ANXA4: variants seen among roughly 807,000 people sequenced by gnomAD.
The protein encoded by ANXA4 is annexin A4.
In ANXA4, 39 loss-of-function variants were observed where a neutral mutation model predicts 49.8. That is an observed-to-expected ratio of 0.78 (90% CI 0.61 to 1.02). ANXA4 has a LOEUF of 1.02. Ranked by LOEUF, ANXA4 falls within the 50% of genes least tolerant of loss-of-function variation. The pLI, the probability that ANXA4 is intolerant of heterozygous loss-of-function variation, is 0.00. For missense variants in ANXA4, 360 were observed against 410.1 expected (o/e 0.88, Z 1.05); for synonymous variants, 134 against 152.5 (o/e 0.88, Z 0.89).
At chr2:69,779,133 A>G (rs1212916658) in intron 1 of ANXA4, among the ~76,000 whole-genome samples, 1 of 146,204 alleles carries the variant, frequency 6.8e-6, no homozygotes, top group African/African-American at 2.6e-5. Flanking sequence ...AAAAAAAAAA[A>G]GGAAAGAGAA....
At chr2:69,743,036 G>A (rs1040597903) in intron 1 of ANXA4, among the ~76,000 whole-genome samples, 4 of 151,844 alleles carry the variant, frequency 2.6e-5, no homozygotes, top group African/African-American at 9.7e-5. Context: ...GTTTTGAGAC[G>A]AGGTCTCACT....
intron 2 of ANXA4, among the ~76,000 whole-genome samples, chr2:69,709,199 C>A (rs887583348): frequency 4.0e-5 from 6 of 148,524 alleles, no homozygotes; most frequent in Admixed American, 6.9e-5. Context: ...TGACAGTCTT[C>A]AGAGGGCAAC....
At chr2:69,692,309 C>T (rs1314623820) in intron 2 of ANXA4, among the ~76,000 whole-genome samples, 1 of 152,182 alleles carries the variant, frequency 6.6e-6, no homozygotes, top group Non-Finnish European at 1.5e-5. Context: ...TGCAATTTAC[C>T]ATGACATTTA....
chr2:69,652,899 A>G (rs1174591617), intron 1 of ANXA4: 1 of 152,168 alleles, frequency 6.6e-6, no homozygotes, highest in African/African-American at 2.4e-5. Context: ...TCTTTGTTAT[A>G]CTTGACATAA....
At chr2:69,647,906 A>G (rs1676072149) in intron 1 of ANXA4, among the ~76,000 whole-genome samples, 2 of 152,154 alleles carry the variant, frequency 1.3e-5, no homozygotes, top group African/African-American at 4.8e-5. Flanking sequence ...AGACAGTATT[A>G]TCTATTTTAT....
At chr2:69,779,467 G>A (rs1475442063) in intron 1 of ANXA4, among the ~76,000 whole-genome samples, 2 of 152,030 alleles carry the variant, frequency 1.3e-5, no homozygotes, top group Non-Finnish European at 2.9e-5. Flanking sequence ...TTCTGATAAA[G>A]TCTTCCTTCC....
chr2:69,706,807 A>G (rs971356576), intron 2 of ANXA4, among the ~76,000 whole-genome samples: 6 of 152,174 alleles, frequency 3.9e-5, no homozygotes, highest in African/African-American at 1.2e-4. Flanking sequence ...TCTATGCTAT[A>G]TCATGTATCA....
intron 2 of ANXA4, among the ~76,000 whole-genome samples, chr2:69,782,379 A>G (rs982295101): frequency 1.3e-5 from 2 of 152,188 alleles, no homozygotes; most frequent in Non-Finnish European, 2.9e-5. Context: ...TTTGCATTAG[A>G]TATTCCAGAA....
At position 69,815,989 on chromosome 2, in the gene ANXA4, C is replaced by G. The variant is rs548723998; in HGVS notation, c.535-112C>G. On this transcript the variant is annotated intron_variant, in intron 8 of 12. Transcript: ENST00000394295. ...TCACCACTACCATTTCCAACCCCAT[C>G]ACCAACAAAATAAAACTAAGCCAGC... 10 of 800,440 alleles carry G rather than the reference C, an allele frequency of 1.2e-5. No individual in the cohort carries two copies. In the South Asian group the frequency reaches 1.3e-4, roughly 10 times the overall value. The allele number at this position is 800,440 out of a possible 1,614,324, so 49.6% of individuals were successfully genotyped here. A position where few individuals can be genotyped will look rare whatever the true frequency, so the allele number is the denominator to read the frequency against.
intron 2 of ANXA4, among the ~76,000 whole-genome samples, chr2:69,696,236 C>T (rs2105381143): frequency 6.6e-6 from 1 of 152,280 alleles, no homozygotes; most frequent in South Asian, 2.1e-4. Context: ...TCAATCGTTT[C>T]TTGTCATTTC....
intron 1 of ANXA4, among the ~76,000 whole-genome samples, chr2:69,768,074 A>C (rs1248648609): frequency 2.0e-5 from 3 of 152,218 alleles, no homozygotes; most frequent in Non-Finnish European, 4.4e-5. Flanking sequence ...GGTATAATAT[A>C]AAGGTCTCTA....
At chr2:69,658,399 CAA>C (rs754617600) in intron 2 of ANXA4, among the ~76,000 whole-genome samples, 9 of 74,614 alleles carry the variant, frequency 1.2e-4, no homozygotes, top group Admixed American at 2.7e-4. Context: ...GGTTCTGTCT[CAA>C]AAAAAAAAAA....
intron 2 of ANXA4, among the ~76,000 whole-genome samples, chr2:69,786,766 G>C (rs902031870): frequency 3.3e-5 from 5 of 152,154 alleles, no homozygotes; most frequent in African/African-American, 4.8e-5. Context: ...CTGTCGCCCA[G>C]ATTGGAGCAC....
At chr2:69,790,064 G>GAA in intron 3 of ANXA4, among the ~76,000 whole-genome samples, 1 of 152,146 alleles carries the variant, frequency 6.6e-6, no homozygotes, top group East Asian at 1.9e-4. Context: ...TTTACAGCCT[G>GAA]AACTTTCAGG....
Position 69,806,378 on chromosome 2 carries a change from A to G in ANXA4, c.193-7A>G. 6.2e-7 allele frequency: 1 copy of G among 1,608,650 alleles called. No individual in the cohort carries two copies. Among genetic ancestry groups the G allele is most frequent in the Non-Finnish European group, 8.5e-7 (1 of 1,175,014 alleles). ...CAGTTAAGCGGAGCTACTTTCTTGCATTGCAGGACTTGATAGACGACCTGA... is the reference window on the plus strand; with the variant it reads ...CAGTTAAGCGGAGCTACTTTCTTGCGTTGCAGGACTTGATAGACGACCTGA... On this transcript the variant is annotated splice_polypyrimidine_tract_variant and splice_region_variant and intron_variant, in intron 4 of 12. Transcript: ENST00000394295.
chr2:69,718,728 T>C (rs952736799), intron 2 of ANXA4, among the ~76,000 whole-genome samples: 17 of 151,422 alleles, frequency 1.1e-4, no homozygotes, highest in Non-Finnish European at 1.2e-4. Flanking sequence ...CACACATGCA[T>C]ACACAAATGC....
intron 3 of ANXA4, among the ~76,000 whole-genome samples, chr2:69,791,584 A>G (rs777850555): frequency 1.3e-5 from 2 of 152,248 alleles, no homozygotes; most frequent in African/African-American, 2.4e-5. Flanking sequence ...AAAAAATAAA[A>G]TAAGGATTAG....
chr2:69,800,281 T>G (rs1478515826), intron 3 of ANXA4, among the ~76,000 whole-genome samples: 1 of 141,788 alleles, frequency 7.1e-6, no homozygotes, highest in Non-Finnish European at 1.5e-5. Flanking sequence ...TTTTTTTCAG[T>G]TTATCCTAAT....
At chr2:69,722,151 C>CTGTGTATTTGG (rs1669829476) in intron 3 of ANXA4, among the ~76,000 whole-genome samples, 1 of 152,146 alleles carries the variant, frequency 6.6e-6, no homozygotes, top group African/African-American at 2.4e-5. Flanking sequence ...CAAACTCACA[C>CTGTGTATTTGG]CCATTCCTAC....
Sources: allele counts gnomAD v4.1 joint callset (sites outside exome capture counted in the v4.1 genomes callset), GRCh38; gene constraint gnomAD v4.1.1; transcripts MANE v1.5; gene names NCBI Gene and HGNC (gene_info 2026-07-23, HGNC 2026-07-21).